The following LSR variants were observed in gnomAD, a reference collection of about 807,000 sequenced individuals.
The protein encoded by LSR is lipolysis stimulated lipoprotein receptor, also known as lipolysis-stimulated lipoprotein receptor.
LSR carries 44 observed loss-of-function variants against 61.8 expected under a neutral mutation model. The ratio of observed to expected loss-of-function variants is 0.71; its 90% confidence interval spans 0.56 to 0.91. The LOEUF is 0.91. Ranked by LOEUF, LSR falls within the 40% of genes least tolerant of loss-of-function variation. The pLI is 0.00. For missense variants in LSR, 911 were observed against 830.5 expected, an observed-to-expected ratio of 1.10 and a Z score of -1.19; for synonymous variants, 397 against 350.6, an observed-to-expected ratio of 1.13 and a Z score of -1.48.
At chr19:35,262,336 C>T (rs937350386) in intron 4 of LSR, among the ~76,000 whole-genome samples, 2 of 152,064 alleles carry the variant, frequency 1.3e-5, no homozygotes, top group Admixed American at 1.3e-4. Flanking sequence ...GGGGGAGGGC[C>T]GTAACTGGGG....
At position 35,263,081 on chromosome 19, in the gene LSR, A is replaced by AG. The variant is rs2065951599; in HGVS notation, c.778+389_778+390insG. 3 of 168,064 alleles carry AG rather than the reference A, an allele frequency of 1.8e-5. No individual in the cohort carries two copies. In the South Asian group the frequency reaches 4.7e-4, roughly 26 times the overall value. The allele number at this position is 168,064 out of a possible 1,614,324, so 10.4% of individuals were successfully genotyped here. ...GATCACTTGAGGTCAGGAGTTCCAG[A>AG]TCAGCCTGGCCAACATGGTAAAACC... On this transcript the variant is annotated intron_variant, in intron 5 of 9. Coordinates refer to ENST00000605618, the MANE Select transcript of LSR (RefSeq NM_205834.4).
chr19:35,252,829 A>T (rs2065811103), intron 2 of LSR, among the ~76,000 whole-genome samples: 1 of 151,896 alleles, frequency 6.6e-6, no homozygotes, highest in Non-Finnish European at 1.5e-5. Context: ...CCTGGACAAC[A>T]AAATGAGACC....
rs760363271 is a variant in LSR at position 35,266,353 on chromosome 19, TCA to T, written c.779-3_779-2del. On this transcript the variant is annotated splice_region_variant and splice_polypyrimidine_tract_variant and intron_variant, in intron 5 of 9. Coordinates refer to ENST00000605618, the MANE Select transcript of LSR (RefSeq NM_205834.4). ...CCCCCTTCTCCTGTTGATTGTGTCCTCACAGTGTATGCCGCCGGCAAAGCAGC... is the reference window on the plus strand; with the variant it reads ...CCCCCTTCTCCTGTTGATTGTGTCCTCAGTGTATGCCGCCGGCAAAGCAGC... 16 of 1,569,390 alleles carry T rather than the reference TCA, an allele frequency of 1.0e-5. No homozygotes were observed. Among genetic ancestry groups the T allele is most frequent in the Non-Finnish European group, 1.3e-5 (15 of 1,156,844 alleles).
chr19:35,250,426 CCATCGT>C lies in LSR; in HGVS notation c.226_231del (p.Val76_Ile77del), dbSNP rs1358923104. On this transcript the variant is annotated inframe_deletion, in exon 2 of 10. Transcript: ENST00000605618. ...CAGATGACCTCGACCCCCACGCAAC[CCATCGT>C]CATCTGGAAGTACAAGTCTTTCTGC... 6.2e-7 allele frequency: 1 copy of C among 1,614,038 alleles called. No individual in the cohort carries two copies. Among genetic ancestry groups the C allele is most frequent in the Non-Finnish European group, 8.5e-7 (1 of 1,179,972 alleles).
chr19:35,266,686 C>T lies in LSR; in HGVS notation c.960C>T (p.Gly320=). 6.2e-7 allele frequency: 1 copy of T among 1,608,548 alleles called. No homozygotes were observed. Among genetic ancestry groups the T allele is most frequent in the South Asian group, 1.1e-5 (1 of 90,002 alleles). Residue 320 remains glycine (G), a synonymous_variant, in exon 7 of 10, where the codon GGC becomes GGT. Coordinates refer to ENST00000605618, the MANE Select transcript of LSR (RefSeq NM_205834.4). ...GDVDRSSSAG[G]QGSYVPLLRD... is the part of the protein sequence containing the mutation. ...ACAGCCACTCTCCCCCAGCTGGTGG[C>T]CAAGGCTCCTATGTACCCCTGCTTC...
In LSR at chr19:35,267,153, C is replaced by T. The variant is rs1416375657; in HGVS notation, c.1189C>T (p.Arg397Trp). The change falls in exon 9 of 10, where the codon CGG (arginine) becomes TGG (tryptophan). Residue 397 changes from arginine to tryptophan, a missense_variant. Coordinates refer to ENST00000605618, the MANE Select transcript of LSR (RefSeq NM_205834.4). ...CCTCCACGAGGACGACTGGCGATCTCGGCCTTCCCGGGGCCCTGCCCTCAC... is the reference window on the plus strand; with the variant it reads ...CCTCCACGAGGACGACTGGCGATCTTGGCCTTCCCGGGGCCCTGCCCTCAC... The part of the protein sequence containing the change: ...TSLHEDDWRS[R>W]PSRGPALTPI... 1.3e-6 allele frequency: 2 copies of T among 1,529,254 alleles called. No homozygotes were observed. The highest frequency in any genetic ancestry group is 1.8e-6 in the Non-Finnish European group (2 of 1,142,720). The allele number at this position is 1,529,254 out of a possible 1,614,324, so 94.7% of individuals were successfully genotyped here.
At position 35,267,378 on chromosome 19, in the gene LSR, A is replaced by G. The variant is rs1427959214; in HGVS notation, c.1414A>G (p.Ser472Gly). The G allele has an allele frequency of 1.2e-6, 2 of 1,600,852 alleles. No homozygotes were observed. The highest frequency in any genetic ancestry group is 8.5e-7 in the Non-Finnish European group (1 of 1,174,410). ...GTCTCCCACGAGTAATGGTGGGAGA[A>G]GCCGGGCCTACATGCCCCCGCGGAG... ...SRSPTSNGGRSRAYMPPRSRS... is the reference protein window; with the variant it reads ...SRSPTSNGGRGRAYMPPRSRS... Residue 472 changes from serine to glycine, a missense_variant, in exon 9 of 10, where the codon AGC becomes GGC. Coordinates refer to ENST00000605618, the MANE Select transcript of LSR (RefSeq NM_205834.4).
In LSR at chr19:35,259,033, C is replaced by A. The variant is rs1224464000; in HGVS notation, c.543C>A (p.Asn181Lys). 2 of 1,614,086 alleles carry A rather than the reference C, an allele frequency of 1.2e-6. No homozygotes were observed. The highest frequency in any genetic ancestry group is 4.5e-5 in the East Asian group (2 of 44,870). ...SVVSAQDLQG[N>K]NEAYAELIVL... ...TCTCAGCCCAGGACCTCCAGGGGAA[C>A]AATGAGGCCTACGCAGAGCTCATCG... Residue 181 changes from asparagine (N) to lysine (K), a missense_variant, in exon 3 of 10, where the codon AAC becomes AAA. Transcript: ENST00000605618.
At position 35,267,444 on chromosome 19, in the gene LSR, G is replaced by A. The variant is rs1421309018; in HGVS notation, c.1480G>A (p.Asp494Asn). The A allele has an allele frequency of 1.2e-6, 2 of 1,610,686 alleles. No individual in the cohort carries two copies. Among genetic ancestry groups the A allele is most frequent in the Non-Finnish European group, 8.5e-7 (1 of 1,179,430 alleles). The change falls in exon 9 of 10, where the codon GAC becomes AAC. Residue 494 changes from aspartate (D) to asparagine (N), a missense_variant. Transcript: ENST00000605618. ...CCTCTATGACCAAGACGACTCGAGG[G>A]ACTTCCCACGCTCCCGGGACCCCCA... ...DDLYDQDDSRDFPRSRDPHYD... is the reference protein window; with the variant it reads ...DDLYDQDDSRNFPRSRDPHYD...
At chr19:35,250,273 T>G (rs1057463166) in intron 1 of LSR, 42 bp from the exon 2 acceptor site, 3 of 1,400,438 alleles carry the variant, frequency 2.1e-6, no homozygotes, top group Non-Finnish European at 2.9e-6. Context: ...AGCACCTCCC[T>G]GAGCTCACAG....
At chr19:35,251,840 G>GTTTTTT (rs1339584339) in intron 2 of LSR, 1 of 120,478 alleles carries the variant, frequency 8.3e-6, no homozygotes, top group Non-Finnish European at 1.8e-5. Context: ...TGAGAACCTT[G>GTTTTTT]TTCTTTTTTT....
At chr19:35,262,938 T>C (rs2065949755) in intron 5 of LSR, 1 of 513,458 alleles carries the variant, frequency 1.9e-6, no homozygotes, top group Non-Finnish European at 3.4e-6. Context: ...ATGGTAAAAA[T>C]GTCCAACAGT....
intron 2 of LSR, among the ~76,000 whole-genome samples, chr19:35,255,290 A>G (rs1367958825): frequency 2.0e-5 from 3 of 152,218 alleles, no homozygotes; most frequent in African/African-American, 7.2e-5. Flanking sequence ...ACTGCACTCC[A>G]GCCTGGGCGA....
intron 5 of LSR, 150 bp downstream of exon 5, chr19:35,262,842 C>T (rs939904104): frequency 2.4e-6 from 2 of 849,240 alleles, no homozygotes; most frequent in Admixed American, 6.0e-5. Flanking sequence ...GGAGGGTCTG[C>T]TGTTTAGATT....
Position 35,250,657 on chromosome 19 carries a change from G to C in LSR, c.452G>C (p.Gly151Ala), listed in dbSNP as rs890752245. 1 of 1,553,040 alleles carries C rather than the reference G, an allele frequency of 6.4e-7. No individual in the cohort carries two copies. The highest frequency in any genetic ancestry group is 8.8e-7 in the Non-Finnish European group (1 of 1,142,264). Reference protein sequence around the residue: ...YYQGRRITITGNADLTFDQTA... With the variant: ...YYQGRRITITANADLTFDQTA... ...CAGGGCCGGAGGATTACCATCACCGGAAGTATGTTGGGCAGGGCAGGGGGA... is the reference window on the plus strand; with the variant it reads ...CAGGGCCGGAGGATTACCATCACCGCAAGTATGTTGGGCAGGGCAGGGGGA... Residue 151 changes from glycine to alanine, a missense_variant and splice_region_variant, in exon 2 of 10, where the codon GGA (glycine) becomes GCA (alanine). Gly to Ala is a moderately conservative substitution (Grantham distance 60). Coordinates refer to ENST00000605618, the MANE Select transcript of LSR (RefSeq NM_205834.4).
At chr19:35,250,194 G>A (rs989361583) in intron 1 of LSR, 121 bp from the exon 2 acceptor site, 3 of 597,902 alleles carry the variant, frequency 5.0e-6, no homozygotes, top group Non-Finnish European at 5.7e-6. Context: ...AAGGAACAAT[G>A]TGTGCCAGGC....
intron 1 of LSR, chr19:35,249,414 GAGTGGA>G: frequency 2.2e-6 from 1 of 458,582 alleles, no homozygotes; most frequent in Non-Finnish European, 3.8e-6. Context: ...TGTGGGGAGG[GAGTGGA>G]AGACCGCCCG....
chr19:35,262,793 GA>G (rs1350658309), intron 5 of LSR, 101 bp downstream of exon 5: 1 of 1,465,140 alleles, frequency 6.8e-7, no homozygotes, highest in East Asian at 2.4e-5. Flanking sequence ...CGTTGGTCTG[GA>G]GGGTGTGAAT....
At chr19:35,255,503 G>A (rs2065845367) in intron 2 of LSR, among the ~76,000 whole-genome samples, 1 of 152,154 alleles carries the variant, frequency 6.6e-6, no homozygotes, top group Non-Finnish European at 1.5e-5. Context: ...TGTAATCCCA[G>A]CACTTTGGGA....
Sources: allele counts gnomAD v4.1 joint callset (sites outside exome capture counted in the v4.1 genomes callset), GRCh38; gene constraint gnomAD v4.1.1; transcripts MANE v1.5; gene names NCBI Gene and HGNC (gene_info 2026-07-23, HGNC 2026-07-21).